The following GRIN2A variants were observed in gnomAD, a reference collection of about 807,000 sequenced individuals.
GRIN2A encodes the protein glutamate ionotropic receptor NMDA type subunit 2A.
Under a neutral mutation model 113.4 loss-of-function variants are expected in GRIN2A, and 22 were observed. That is an observed-to-expected ratio of 0.19 (90% CI 0.14 to 0.28). The LOEUF is 0.28. Ranked by LOEUF, GRIN2A falls within the 10% of genes least tolerant of loss-of-function variation. The pLI is 1.00. For synonymous variants in GRIN2A, 827 were observed against 738.4 expected (o/e 1.12, Z -1.94); for missense variants, 1,502 against 1,887.0 (o/e 0.80, Z 3.78).
At chr16:9,821,895 G>C (rs1222336158) in intron 10 of GRIN2A, among the ~76,000 whole-genome samples, 2 of 152,132 alleles carry the variant, frequency 1.3e-5, no homozygotes, top group Non-Finnish European at 2.9e-5. Context: ...CCCACACTCA[G>C]AAAACCTCCT....
chr16:10,128,084 T>C (rs978824118), intron 2 of GRIN2A, among the ~76,000 whole-genome samples: 9 of 152,224 alleles, frequency 5.9e-5, no homozygotes, highest in African/African-American at 1.4e-4. Flanking sequence ...GCTTCCCTTG[T>C]TGGCAACGTC....
At chr16:9,972,074 A>T (rs1298733032) in intron 2 of GRIN2A, among the ~76,000 whole-genome samples, 1 of 152,202 alleles carries the variant, frequency 6.6e-6, no homozygotes, top group African/African-American at 2.4e-5. Context: ...GAAAGAGGAG[A>T]CTTAGAGAAG....
At chr16:9,923,796 A>T (rs2044401452) in intron 3 of GRIN2A, among the ~76,000 whole-genome samples, 1 of 152,158 alleles carries the variant, frequency 6.6e-6, no homozygotes, top group East Asian at 1.9e-4. Flanking sequence ...TTGTTTTAAA[A>T]GTAATTTATC....
At chr16:10,130,924 G>C (rs2049048610) in intron 2 of GRIN2A, among the ~76,000 whole-genome samples, 1 of 152,232 alleles carries the variant, frequency 6.6e-6, no homozygotes. Context: ...CAGCTATCCT[G>C]AGAAGTGTGG....
chr16:9,982,086 G>A (rs890086836), intron 2 of GRIN2A, among the ~76,000 whole-genome samples: 10 of 152,114 alleles, frequency 6.6e-5, no homozygotes, highest in African/African-American at 2.4e-4. Flanking sequence ...CGCAGCCAGT[G>A]TAATTAATAT....
At chr16:10,056,888 C>T (rs920313017) in intron 2 of GRIN2A, among the ~76,000 whole-genome samples, 4 of 152,104 alleles carry the variant, frequency 2.6e-5, no homozygotes, top group African/African-American at 9.7e-5. Context: ...TGGTTTTGAG[C>T]CACGAAGTTT....
intron 2 of GRIN2A, among the ~76,000 whole-genome samples, chr16:9,949,572 A>G (rs1255273152): frequency 6.6e-6 from 1 of 151,756 alleles, no homozygotes; most frequent in African/African-American, 2.4e-5. Flanking sequence ...GAATGAATGG[A>G]TGGATGAATG....
chr16:10,047,600 A>G (rs1157184512), intron 2 of GRIN2A, among the ~76,000 whole-genome samples: 1 of 152,174 alleles, frequency 6.6e-6, no homozygotes, highest in Non-Finnish European at 1.5e-5. Context: ...ACTGCCTCAG[A>G]TCTTCTTACC....
intron 4 of GRIN2A, among the ~76,000 whole-genome samples, chr16:9,857,036 C>A (rs886680642): frequency 6.6e-6 from 1 of 152,122 alleles, no homozygotes; most frequent in South Asian, 2.1e-4. Context: ...CTACCTGTGT[C>A]GTCTTATAAC....
At position 10,073,025 on chromosome 16, in the gene GRIN2A, G is replaced by A. The variant is rs574426418; in HGVS notation, c.414+106973C>T. Among the ~76,000 whole-genome samples the A allele has an allele frequency of 1.5e-4, 22 of 143,128 alleles. No homozygotes were observed. In the South Asian group the frequency reaches 3.9e-3, roughly 25 times the overall value. 93.9% of individuals were successfully genotyped at this position (143,128 alleles called of 152,430 possible). On this transcript the variant is annotated intron_variant, in intron 2 of 12. Coordinates refer to ENST00000330684, the MANE Select transcript of GRIN2A (RefSeq NM_001134407.3). ...GGCTGGAGTACAGTGGCCCAAGCTC[G>A]GCTTACTGCAACCTCCTCCTCCCTA...
At position 10,153,472 on chromosome 16, in the gene GRIN2A, A is replaced by G. The variant is rs184137716; in HGVS notation, c.414+26526T>C. 4.7e-4 allele frequency among the ~76,000 whole-genome samples: 72 copies of G among 152,314 alleles called. No homozygotes were observed. In the East Asian group the frequency reaches 7.9e-3, roughly 17 times the overall value. ...AAGTCATTTCAAATATGATAAACCCATCAGGTATACACAAGGAGAAAAGCT... is the reference window on the plus strand; with the variant it reads ...AAGTCATTTCAAATATGATAAACCCGTCAGGTATACACAAGGAGAAAAGCT... On this transcript the variant is annotated intron_variant, in intron 2 of 12. Coordinates refer to ENST00000330684, the MANE Select transcript of GRIN2A (RefSeq NM_001134407.3).
At chr16:10,022,797 C>A (rs972770760) in intron 2 of GRIN2A, among the ~76,000 whole-genome samples, 3 of 152,148 alleles carry the variant, frequency 2.0e-5, no homozygotes, top group Admixed American at 6.5e-5. Context: ...CTTAATAAGA[C>A]CCCGTTTCTT....
At chr16:9,971,239 G>A (rs2045663623) in intron 2 of GRIN2A, among the ~76,000 whole-genome samples, 1 of 152,218 alleles carries the variant, frequency 6.6e-6, no homozygotes, top group South Asian at 2.1e-4. Flanking sequence ...CTAATTTTCA[G>A]TAAAACAGAA....
chr16:9,906,575 G>A (rs573317709), intron 3 of GRIN2A, among the ~76,000 whole-genome samples: 19 of 152,256 alleles, frequency 1.2e-4, no homozygotes, highest in African/African-American at 3.4e-4. Flanking sequence ...AGGGATCACT[G>A]TCTTTCTGGA....
rs759367275 is a variant in GRIN2A at position 10,132,193 on chromosome 16, G to A, written c.414+47805C>T. Among the ~76,000 whole-genome samples, 54 of 152,010 alleles carry A rather than the reference G, an allele frequency of 3.6e-4. 1 individual carries two copies. Among genetic ancestry groups the A allele is most frequent in the African/African-American group, 9.9e-4 (41 of 41,472 alleles). ...CTAAAAATACAAAAATTAGCCGGGC[G>A]TGGTGGTGCATGCCTGTAATCCTAG... On this transcript the variant is annotated intron_variant, in intron 2 of 12. Transcript: ENST00000330684.
At chr16:9,765,451 C>G (rs1567279693) in intron 12 of GRIN2A, among the ~76,000 whole-genome samples, 1 of 152,200 alleles carries the variant, frequency 6.6e-6, no homozygotes, top group Non-Finnish European at 1.5e-5. Context: ...AGCTAACAAT[C>G]AAAGAATGTG....
chr16:10,049,450 T>C (rs949502236), intron 2 of GRIN2A, among the ~76,000 whole-genome samples: 1 of 152,066 alleles, frequency 6.6e-6, no homozygotes, highest in African/African-American at 2.4e-5. Flanking sequence ...CGATCTCGGC[T>C]CACTGTAACC....
At position 10,087,227 on chromosome 16, in the gene GRIN2A, T is replaced by A. The variant is rs138508450; in HGVS notation, c.414+92771A>T. Among the ~76,000 whole-genome samples, 13 of 152,364 alleles carry A rather than the reference T, an allele frequency of 8.5e-5. No homozygotes were observed. The East Asian group carries it at 2.3e-3, about 27-fold the overall frequency. On this transcript the variant is annotated intron_variant, in intron 2 of 12. Transcript: ENST00000330684. ...GGGACAATGATAATAATCACTACTA[T>A]ATCTACCGCATTGGTTTTTATAAGG...
At chr16:10,000,407 G>A (rs2046299596) in intron 2 of GRIN2A, among the ~76,000 whole-genome samples, 1 of 152,060 alleles carries the variant, frequency 6.6e-6, no homozygotes, top group Non-Finnish European at 1.5e-5. Flanking sequence ...TCATGTCTCA[G>A]CTATCAAGAG....
Sources: allele counts gnomAD v4.1 joint callset (sites outside exome capture counted in the v4.1 genomes callset), GRCh38; gene constraint gnomAD v4.1.1; transcripts MANE v1.5; gene names NCBI Gene and HGNC (gene_info 2026-07-23, HGNC 2026-07-21).